Variants in SHANK2 observed in about 807,000 individuals in gnomAD.
SHANK2 encodes the protein SH3 and multiple ankyrin repeat domains protein 2.
A neutral mutation model predicts 133.7 loss-of-function variants in SHANK2; 43 were observed. That is an observed-to-expected ratio of 0.32 (90% CI 0.25 to 0.41). The LOEUF (loss-of-function observed/expected upper bound fraction) is 0.41. Ranked by LOEUF, SHANK2 falls within the 10% of genes least tolerant of loss-of-function variation. The pLI is 1.00. For missense variants in SHANK2, 1,994 were observed against 2,235.8 expected (o/e 0.89, Z 2.18); for synonymous variants, 1,017 against 952.8 (o/e 1.07, Z -1.24).
chr11:70,819,610 G>A (rs1002451832), intron 12 of SHANK2, among the ~76,000 whole-genome samples: 10 of 152,192 alleles, frequency 6.6e-5, no homozygotes, highest in Admixed American at 6.5e-4. Flanking sequence ...GGAGTTGGAC[G>A]CCGAATGGGG....
In SHANK2 at chr11:71,113,285, C is replaced by G. The variant is rs1951921337; in HGVS notation, c.483+8G>C. ...TAACGTGTAAATAACAGCCCGTTCC[C>G]TGCATACCTTCGTGTGGAGCTTGGC... On this transcript the variant is annotated splice_region_variant and intron_variant, in intron 5 of 25. Coordinates refer to ENST00000601538, the MANE Select transcript of SHANK2 (RefSeq NM_012309.5). 6.4e-7 allele frequency: 1 copy of G among 1,551,598 alleles called. No homozygotes were observed. The highest frequency in any genetic ancestry group is 2.0e-5 in the Admixed American group (1 of 51,008).
intron 17 of SHANK2, among the ~76,000 whole-genome samples, chr11:70,507,056 T>A (rs1377505385): frequency 6.6e-6 from 1 of 152,244 alleles, no homozygotes; most frequent in African/African-American, 2.4e-5. Flanking sequence ...AAGTCTAGAA[T>A]TTCAGTTTTC....
intron 21 of SHANK2, among the ~76,000 whole-genome samples, chr11:70,493,805 A>G (rs2058931186): frequency 6.6e-6 from 1 of 152,220 alleles, no homozygotes; most frequent in African/African-American, 2.4e-5. Flanking sequence ...GGCCACCCTA[A>G]GCCCACTCTT....
chr11:70,685,691 G>T (rs1177035924), intron 15 of SHANK2, among the ~76,000 whole-genome samples: 5 of 152,098 alleles, frequency 3.3e-5, no homozygotes, highest in Non-Finnish European at 7.4e-5. Context: ...GGGCAGCAGA[G>T]CCCTAGGGAG....
intron 2 of SHANK2, among the ~76,000 whole-genome samples, chr11:71,198,658 C>A (rs889462469): frequency 1.3e-5 from 2 of 152,282 alleles, no homozygotes; most frequent in African/African-American, 4.8e-5. Context: ...TGGGGATGGG[C>A]CAAGACCAGA....
chr11:71,125,172 T>C (rs1227601974), intron 3 of SHANK2, among the ~76,000 whole-genome samples: 1 of 152,084 alleles, frequency 6.6e-6, no homozygotes, highest in Non-Finnish European at 1.5e-5. Context: ...GGTCAAGTAA[T>C]AACCCTACAG....
At chr11:71,077,429 G>A (rs1423146288) in intron 8 of SHANK2, among the ~76,000 whole-genome samples, 6 of 152,170 alleles carry the variant, frequency 3.9e-5, no homozygotes, top group Non-Finnish European at 8.8e-5. Context: ...GAGATGAAAC[G>A]GAACCGCTGA....
chr11:70,731,585 C>T (rs1344097769), intron 14 of SHANK2, among the ~76,000 whole-genome samples: 1 of 152,206 alleles, frequency 6.6e-6, no homozygotes, highest in Non-Finnish European at 1.5e-5. Flanking sequence ...GTCAGTCCCT[C>T]ATTCCTTTTA....
intron 14 of SHANK2, among the ~76,000 whole-genome samples, chr11:70,789,241 T>G (rs546844161): frequency 6.6e-6 from 1 of 152,260 alleles, no homozygotes; most frequent in East Asian, 1.9e-4. Flanking sequence ...TTAAGGGCAA[T>G]TACGAGGCTC....
rs543776838 is a variant in SHANK2 at position 70,924,213 on chromosome 11, G to A, written c.1108-27646C>T. On this transcript the variant is annotated intron_variant, in intron 10 of 25. Coordinates refer to ENST00000601538, the MANE Select transcript of SHANK2 (RefSeq NM_012309.5). Reference sequence around the variant, plus strand: ...AGAGTCCCCAGGAGTCCCTCCTGACGGTACAGATACTGACCGGCCTGACCT... The same window carrying A: ...AGAGTCCCCAGGAGTCCCTCCTGACAGTACAGATACTGACCGGCCTGACCT... Among the ~76,000 whole-genome samples the A allele has an allele frequency of 1.2e-4, 18 of 152,268 alleles. No homozygotes were observed. In the East Asian group the frequency reaches 2.7e-3, roughly 23 times the overall value.
At chr11:70,945,868 T>C (rs1950718488) in intron 10 of SHANK2, among the ~76,000 whole-genome samples, 1 of 152,062 alleles carries the variant, frequency 6.6e-6, no homozygotes, top group African/African-American at 2.4e-5. Context: ...CTACAGCCCT[T>C]GGTGGGAATG....
At chr11:70,941,817 C>T (rs1195106819) in intron 10 of SHANK2, among the ~76,000 whole-genome samples, 1 of 151,952 alleles carries the variant, frequency 6.6e-6, no homozygotes, top group African/African-American at 2.4e-5. Flanking sequence ...GCTATAGCAG[C>T]CTGTCTTTGT....
intron 10 of SHANK2, among the ~76,000 whole-genome samples, chr11:70,902,846 C>T (rs981537974): frequency 5.9e-5 from 9 of 152,202 alleles, no homozygotes; most frequent in African/African-American, 1.9e-4. Context: ...GCCCTGGGGG[C>T]TCTGCCCTTG....
At chr11:70,585,892 AC>A (rs2060244006) in intron 17 of SHANK2, among the ~76,000 whole-genome samples, 1 of 124,214 alleles carries the variant, frequency 8.1e-6, no homozygotes, top group Non-Finnish European at 1.6e-5. Context: ...CCATGCATCC[AC>A]CCATCCTCCC....
At chr11:70,649,352 C>A (rs991224382) in intron 17 of SHANK2, among the ~76,000 whole-genome samples, 2 of 152,158 alleles carry the variant, frequency 1.3e-5, no homozygotes, top group African/African-American at 4.8e-5. Flanking sequence ...TTTCATGAGA[C>A]CACAGCGGGG....
intron 17 of SHANK2, among the ~76,000 whole-genome samples, chr11:70,533,159 G>A (rs12794889): frequency 0.16 from 24,727 of 152,172 alleles, 2,039 homozygotes; most frequent in East Asian, 0.18. Context: ...TCCAGGAACC[G>A]GAAGAAGGTG....
At chr11:70,512,329 T>TA (rs1192801566) in intron 17 of SHANK2, among the ~76,000 whole-genome samples, 1 of 152,164 alleles carries the variant, frequency 6.6e-6, no homozygotes, top group African/African-American at 2.4e-5. Context: ...TGGCTCTTTT[T>TA]AAAAAATCCT....
chr11:71,245,984 C>G (rs780609993), intron 1 of SHANK2, among the ~76,000 whole-genome samples: 1 of 151,992 alleles, frequency 6.6e-6, no homozygotes, highest in South Asian at 2.1e-4. Context: ...GACATTTGTG[C>G]GGGGTGGCAG....
chr11:71,093,042 C>G (rs1357686329), intron 7 of SHANK2, among the ~76,000 whole-genome samples: 1 of 32,790 alleles, frequency 3.0e-5, no homozygotes, highest in Non-Finnish European at 8.3e-5. Context: ...AGCTCAGTCT[C>G]AAAAATAAAG....
Sources: allele counts gnomAD v4.1 joint callset (sites outside exome capture counted in the v4.1 genomes callset), GRCh38; gene constraint gnomAD v4.1.1; transcripts MANE v1.5; gene names NCBI Gene and HGNC (gene_info 2026-07-23, HGNC 2026-07-21).